SLX4IP: variants seen among roughly 807,000 people sequenced by gnomAD.
The protein encoded by SLX4IP is protein SLX4IP.
A neutral mutation model predicts 32.9 loss-of-function variants in SLX4IP; 34 were observed. The observed-to-expected ratio is 1.03, with a 90% CI of 0.79 to 1.38. The LOEUF is 1.38. Among genes scored for constraint, SLX4IP ranks in the 40% most tolerant of loss-of-function variants. The pLI is 0.00. For synonymous variants in SLX4IP, 172 were observed against 171.7 expected, an observed-to-expected ratio of 1.00 and a Z score of -0.01; for missense variants, 444 against 479.0, an observed-to-expected ratio of 0.93 and a Z score of 0.68.
chr20:10,492,848 T>C (rs2065635721), intron 2 of SLX4IP, among the ~76,000 whole-genome samples: 1 of 152,248 alleles, frequency 6.6e-6, no homozygotes, highest in African/African-American at 2.4e-5. Flanking sequence ...CCTTTCCCCG[T>C]TGAAGTGTAA....
At chr20:10,548,266 T>C (rs904798989) in intron 2 of SLX4IP, among the ~76,000 whole-genome samples, 38 of 151,578 alleles carry the variant, frequency 2.5e-4, no homozygotes, top group African/African-American at 8.5e-4. Context: ...TGAAACGGAG[T>C]CTCGCTCTGT....
At chr20:10,474,709 C>T (rs991113571) in intron 2 of SLX4IP, among the ~76,000 whole-genome samples, 2 of 152,232 alleles carry the variant, frequency 1.3e-5, no homozygotes, top group African/African-American at 2.4e-5. Flanking sequence ...TTTTCCCTCC[C>T]TTACCACTAT....
intron 6 of SLX4IP, chr20:10,614,361 T>C: frequency 1.8e-6 from 1 of 564,548 alleles, no homozygotes; most frequent in Non-Finnish European, 3.1e-6. Context: ...CACATGACGT[T>C]TTACAATCCT....
Position 10,445,775 on chromosome 20 carries a change from C to T in SLX4IP, c.-30+10322C>T, listed in dbSNP as rs190866257. Among the ~76,000 whole-genome samples, 821 of 151,796 alleles carry T rather than the reference C, an allele frequency of 5.4e-3. 5 individuals carry two copies. Among genetic ancestry groups the T allele is most frequent in the African/African-American group, 0.018 (751 of 41,362 alleles). ...GAGTAGCTGGGACTACAGGCACATGCCACTAAGCCCGGCTAATTTTTTGTA... is the reference window on the plus strand; with the variant it reads ...GAGTAGCTGGGACTACAGGCACATGTCACTAAGCCCGGCTAATTTTTTGTA... On this transcript the variant is annotated intron_variant, in intron 1 of 7. Transcript: ENST00000334534.
intron 6 of SLX4IP, chr20:10,613,105 G>C: frequency 2.9e-6 from 1 of 339,094 alleles, no homozygotes; most frequent in South Asian, 3.1e-5. Flanking sequence ...CGCAGAAAGC[G>C]GCATGAACAG....
chr20:10,517,033 A>G (rs1041730286), intron 2 of SLX4IP, among the ~76,000 whole-genome samples: 2 of 152,228 alleles, frequency 1.3e-5, no homozygotes, highest in Admixed American at 6.5e-5. Flanking sequence ...ATGTATTTGA[A>G]TGAGCATGGG....
At chr20:10,617,604 C>T (rs1383223733) in intron 6 of SLX4IP, among the ~76,000 whole-genome samples, 1 of 151,586 alleles carries the variant, frequency 6.6e-6, no homozygotes, top group Non-Finnish European at 1.5e-5. Flanking sequence ...TTAAACATTG[C>T]CCAGTATTTA....
At chr20:10,536,362 T>C (rs1291832807) in intron 2 of SLX4IP, among the ~76,000 whole-genome samples, 3 of 149,230 alleles carry the variant, frequency 2.0e-5, no homozygotes, top group Non-Finnish European at 4.4e-5. Context: ...ACCTTGTCTC[T>C]TTAAAAAAAA....
At chr20:10,567,140 AT>A (rs1192799704) in intron 4 of SLX4IP, among the ~76,000 whole-genome samples, 3 of 152,182 alleles carry the variant, frequency 2.0e-5, no homozygotes, top group African/African-American at 4.8e-5. Flanking sequence ...CACATTGCTT[AT>A]GAGCCCTTTG....
At chr20:10,570,944 C>T (rs1054622007) in intron 4 of SLX4IP, among the ~76,000 whole-genome samples, 4 of 152,230 alleles carry the variant, frequency 2.6e-5, no homozygotes, top group Non-Finnish European at 4.4e-5. Context: ...ATTCTCCCAC[C>T]TCAGCCTCCC....
chr20:10,446,987 C>G (rs1189385945), intron 1 of SLX4IP, among the ~76,000 whole-genome samples: 1 of 152,112 alleles, frequency 6.6e-6, no homozygotes, highest in Non-Finnish European at 1.5e-5. Context: ...TTAAAAAACT[C>G]CTTTATGATT....
At chr20:10,547,260 C>T (rs538589212) in intron 2 of SLX4IP, among the ~76,000 whole-genome samples, 1 of 145,356 alleles carries the variant, frequency 6.9e-6, no homozygotes, top group African/African-American at 2.5e-5. Flanking sequence ...TCTGCTTTTC[C>T]CTCATCTTTC....
At chr20:10,598,968 C>G (rs150201587) in intron 5 of SLX4IP, among the ~76,000 whole-genome samples, 55 of 152,324 alleles carry the variant, frequency 3.6e-4, no homozygotes, top group Non-Finnish European at 6.2e-4. Context: ...GCTTTCCTTT[C>G]CTGATGCATC....
At chr20:10,556,120 C>A in intron 2 of SLX4IP, 111 bp from the exon 3 acceptor site, 1 of 893,134 alleles carries the variant, frequency 1.1e-6, no homozygotes, top group Non-Finnish European at 1.7e-6. Context: ...TAGTAGTGAA[C>A]TTTGTTGCCA....
At chr20:10,435,485 G>A (rs1230714822) in intron 1 of SLX4IP, 32 bp downstream of exon 1, 1 of 152,206 alleles carries the variant, frequency 6.6e-6, no homozygotes, top group African/African-American at 2.4e-5. Flanking sequence ...AACCTCAGAT[G>A]TTCCTTCAAG....
At chr20:10,508,705 C>T (rs530233643) in intron 2 of SLX4IP, among the ~76,000 whole-genome samples, 27 of 152,308 alleles carry the variant, frequency 1.8e-4, no homozygotes, top group Admixed American at 5.2e-4. Context: ...TCTCCTTCTC[C>T]GTGGGCTGGC....
At chr20:10,614,653 G>A (rs2067005844) in intron 6 of SLX4IP, among the ~76,000 whole-genome samples, 1 of 152,184 alleles carries the variant, frequency 6.6e-6, no homozygotes, top group Non-Finnish European at 1.5e-5. Context: ...TTGTCAGATG[G>A]GTAGGGGTGT....
chr20:10,576,562 C>T (rs1279325260), intron 4 of SLX4IP, among the ~76,000 whole-genome samples: 1 of 152,154 alleles, frequency 6.6e-6, no homozygotes, highest in Non-Finnish European at 1.5e-5. Flanking sequence ...AGAAAATTAT[C>T]CATGCCTACA....
chr20:10,438,799 T>C (rs1195272554), intron 1 of SLX4IP, among the ~76,000 whole-genome samples: 1 of 151,852 alleles, frequency 6.6e-6, no homozygotes, highest in Non-Finnish European at 1.5e-5. Flanking sequence ...CTAACTGCAG[T>C]CTTGGAGTAT....
Sources: gnomAD v4.1 joint callset for allele counts (sites outside exome capture counted in the v4.1 genomes callset) on GRCh38, gnomAD v4.1.1 for gene constraint, MANE v1.5 for transcripts, NCBI Gene and HGNC (gene_info 2026-07-23, HGNC 2026-07-21) for gene names.